The following CELF2 variants were observed in gnomAD, a reference collection of about 807,000 sequenced individuals.
CELF2 encodes the protein CUG triplet repeat RNA-binding protein 2.
A neutral mutation model predicts 62.6 loss-of-function variants in CELF2; 8 were observed. The ratio of observed to expected loss-of-function variants is 0.13; its 90% CI spans 0.07 to 0.23. CELF2 has a LOEUF of 0.23. Ranked by LOEUF, CELF2 falls within the 10% of genes least tolerant of loss-of-function variation. The probability of loss-of-function intolerance (pLI) is 1.00; values close to 1 mark genes in which losing one functional copy is unlikely to be tolerated. For synonymous variants in CELF2, 258 were observed against 250.0 expected (o/e 1.03, Z -0.30); for missense variants, 333 against 671.0 (o/e 0.50, Z 5.56).
chr10:10,857,649 GTATATATATATATATATATATA>G (rs779543257), intron 1 of CELF2, among the ~76,000 whole-genome samples: 2 of 94,258 alleles, frequency 2.1e-5, no homozygotes, highest in Admixed American at 1.3e-4. Context: ...CATATATATA[GTATATATATATATATATATATA>G]TATATATATA....
At chr10:10,781,525 C>T in the CELF2 span, among the ~76,000 whole-genome samples, 1 of 152,274 alleles carries the variant, frequency 6.6e-6, no homozygotes, top group African/African-American at 2.4e-5. Flanking sequence ...AGGGGAACTG[C>T]CCTTTATAAG....
intron 1 of CELF2, among the ~76,000 whole-genome samples, chr10:11,086,610 A>AAAAAAT (rs1594927416): frequency 2.2e-5 from 3 of 134,412 alleles, no homozygotes; most frequent in East Asian, 2.0e-4. Flanking sequence ...AAAAAAAAAA[A>AAAAAAT]CTCCCGACAG....
chr10:10,948,160 T>C (rs2047910887), intron 2 of CELF2: 1 of 152,284 alleles, frequency 6.6e-6, no homozygotes, highest in Non-Finnish European at 1.5e-5. Flanking sequence ...ACTTCCATAA[T>C]ACAGCCTGGT....
intron 2 of CELF2, among the ~76,000 whole-genome samples, chr10:10,921,019 G>A (rs1237538749): frequency 1.3e-5 from 2 of 151,302 alleles, no homozygotes; most frequent in African/African-American, 4.9e-5. Flanking sequence ...CAGTGGTGCA[G>A]TCTCAACTCA....
At chr10:11,208,122 C>T (rs1373254868) in intron 2 of CELF2, among the ~76,000 whole-genome samples, 1 of 152,086 alleles carries the variant, frequency 6.6e-6, no homozygotes, top group Non-Finnish European at 1.5e-5. Context: ...CTCTTGGCTC[C>T]TGGTGTGACT....
At chr10:10,765,502 G>T in the CELF2 span, among the ~76,000 whole-genome samples, 1 of 152,184 alleles carries the variant, frequency 6.6e-6, no homozygotes, top group Non-Finnish European at 1.5e-5. Context: ...CCCTTGCGTT[G>T]TATTGACTCC....
chr10:10,683,634 C>T, the CELF2 span, among the ~76,000 whole-genome samples: 3 of 152,064 alleles, frequency 2.0e-5, no homozygotes, highest in Non-Finnish European at 4.4e-5. Flanking sequence ...TGACATATGG[C>T]GCAGTTTTAG....
At chr10:10,904,913 TC>T (rs1346657048) in intron 1 of CELF2, among the ~76,000 whole-genome samples, 3 of 152,210 alleles carry the variant, frequency 2.0e-5, no homozygotes, top group African/African-American at 7.2e-5. Context: ...GGGACTTTTT[TC>T]TTAGATCCCT....
the CELF2 span, among the ~76,000 whole-genome samples, chr10:10,607,912 A>C: frequency 6.6e-6 from 1 of 152,000 alleles, no homozygotes; most frequent in Non-Finnish European, 1.5e-5. Flanking sequence ...GGATCACCTG[A>C]GGTCAGGAGT....
chr10:10,688,517 T>C, the CELF2 span, among the ~76,000 whole-genome samples: 13 of 152,184 alleles, frequency 8.5e-5, no homozygotes, highest in East Asian at 1.9e-4. Context: ...AGTAAACCAA[T>C]TGAATAGCTG....
At chr10:11,325,450 T>A (rs756427837) in intron 11 of CELF2, among the ~76,000 whole-genome samples, 1 of 152,222 alleles carries the variant, frequency 6.6e-6, no homozygotes, top group Non-Finnish European at 1.5e-5. Context: ...CACCCTTTTT[T>A]CCTTCTCACA....
chr10:10,801,372 G>C (rs774725670), intron 1 of CELF2, among the ~76,000 whole-genome samples: 1 of 152,174 alleles, frequency 6.6e-6, no homozygotes, highest in South Asian at 2.1e-4. Context: ...TTACAACAAG[G>C]CATCCTTTTG....
At position 11,300,699 on chromosome 10, in the gene CELF2, T is replaced by C. The variant is rs553987379; in HGVS notation, c.976+12147T>C. 6.6e-6 allele frequency among the ~76,000 whole-genome samples: 1 copy of C among 152,344 alleles called. No individual in the cohort carries two copies. The highest frequency in any genetic ancestry group is 1.9e-4 in the East Asian group (1 of 5,188). ...GTAATGCTAGTGCCTGTGTCATGGC[T>C]TAATTATCCTACTTCCTCACAATCT... is the stretch of plus-strand genomic sequence containing the variant. On this transcript the variant is annotated intron_variant, in intron 9 of 12. Transcript: ENST00000633077. This position sits in a 1 kb window ranked among gnomAD's most constrained non-coding sequence, Gnocchi z 5.5.
chr10:10,616,179 A>G, the CELF2 span, among the ~76,000 whole-genome samples: 48,204 of 151,952 alleles, frequency 0.32, 9,348 homozygotes, highest in South Asian at 0.56. Context: ...CAGTGGTTCA[A>G]TGTTCCCTAG....
chr10:11,059,111 GAC>G (rs2066089974), intron 1 of CELF2, among the ~76,000 whole-genome samples: 1 of 152,210 alleles, frequency 6.6e-6, no homozygotes, highest in African/African-American at 2.4e-5. Context: ...TCAAGGAACA[GAC>G]ATGGTTAACA....
Position 11,018,073 on chromosome 10 carries a change from C to A in CELF2, c.-17C>A, listed in dbSNP as rs762612885. 6.9e-7 allele frequency: 1 copy of A among 1,446,214 alleles called. No homozygotes were observed. Among genetic ancestry groups the A allele is most frequent in the Non-Finnish European group, 9.2e-7 (1 of 1,084,752 alleles). 89.6% of individuals were successfully genotyped at this position (1,446,214 alleles called of 1,614,324 possible). ...CAGAGCCGCCCCCCGCCGCTGCCGC[C>A]GCGTGCGCCCGCGAACATGACTTCT... On this transcript the variant is annotated 5_prime_UTR_variant, in exon 1 of 13. Coordinates refer to ENST00000633077, the MANE Select transcript of CELF2 (RefSeq NM_001326342.2).
At chr10:11,218,027 G>A (rs1003185057) in intron 3 of CELF2, among the ~76,000 whole-genome samples, 10 of 152,162 alleles carry the variant, frequency 6.6e-5, no homozygotes, top group African/African-American at 1.7e-4. Context: ...GTTGATATAG[G>A]ACAGAAAATA....
rs943856189 is a variant in CELF2 at position 11,331,427 on chromosome 10, T to C, written c.*2374T>C. 2 of 147,108 alleles carry C rather than the reference T, an allele frequency of 1.4e-5. No individual in the cohort carries two copies. Among genetic ancestry groups the C allele is most frequent in the East Asian group, 2.0e-4 (1 of 5,042 alleles). 9.1% of individuals were successfully genotyped at this position (147,108 alleles called of 1,614,324 possible). A position where few individuals can be genotyped will look rare whatever the true frequency, so the allele number is the denominator to read the frequency against. ...TCATTTTTTTTAATTGTGGACTATT[T>C]AGATGTGTTTGTGTTCAGCAAAATG... On this transcript the variant is annotated 3_prime_UTR_variant, in exon 13 of 13. Coordinates refer to ENST00000633077, the MANE Select transcript of CELF2 (RefSeq NM_001326342.2).
At chr10:10,699,952 A>C in the CELF2 span, among the ~76,000 whole-genome samples, 2 of 152,188 alleles carry the variant, frequency 1.3e-5, no homozygotes, top group African/African-American at 4.8e-5. Context: ...TAGAAGCAGC[A>C]GAGGCCCAAA....
Sources: allele counts gnomAD v4.1 joint callset (sites outside exome capture counted in the v4.1 genomes callset), GRCh38; gene constraint gnomAD v4.1.1; non-coding constraint Gnocchi (gnomAD v3.1); transcripts MANE v1.5; gene names NCBI Gene and HGNC (gene_info 2026-07-23, HGNC 2026-07-21).